RXRA: variants seen among roughly 807,000 people sequenced by gnomAD.
RXRA encodes retinoid X receptor alpha, also known as retinoic acid receptor RXR-alpha.
A neutral mutation model predicts 44.5 loss-of-function variants in RXRA; 5 were observed. The ratio of observed to expected loss-of-function variants is 0.11; its 90% CI spans 0.06 to 0.24. The LOEUF is 0.24. Among genes scored for constraint, RXRA ranks in the 10% least tolerant of loss-of-function variants. RXRA has a pLI of 1.00. For missense variants in RXRA, 412 were observed against 646.5 expected, an observed-to-expected ratio of 0.64 and a Z score of 3.93; for synonymous variants, 291 against 271.4, an observed-to-expected ratio of 1.07 and a Z score of -0.71.
intron 1 of RXRA, among the ~76,000 whole-genome samples, chr9:134,377,779 C>A (rs1564276499): frequency 6.6e-6 from 1 of 152,204 alleles, no homozygotes; most frequent in Non-Finnish European, 1.5e-5. Flanking sequence ...TCTGTCATAC[C>A]CTCGTGCTCT....
chr9:134,337,693 G>A (rs1830027287), intron 1 of RXRA, among the ~76,000 whole-genome samples: 1 of 152,124 alleles, frequency 6.6e-6, no homozygotes, highest in African/African-American at 2.4e-5. Context: ...CCTGGGAAAA[G>A]CCAATGTCTC....
Position 134,417,127 on chromosome 9 carries a change from G to T in RXRA, c.611-31G>T, listed in dbSNP as rs552023526. 1.3e-6 allele frequency: 2 copies of T among 1,595,794 alleles called. No individual in the cohort carries two copies. The highest frequency in any genetic ancestry group is 1.3e-5 in the African/African-American group (1 of 74,910). The stretch of plus-strand genomic sequence containing the variant: ...CTGGGAGCCACTGGCCGGGCTGAGC[G>T]TGGGGCTCACCTGCGCCTCCCGGGT... On this transcript the variant is annotated intron_variant, in intron 4 of 9. Coordinates refer to ENST00000481739, the MANE Select transcript of RXRA (RefSeq NM_002957.6). This position sits in a 1 kb window ranked among gnomAD's most constrained non-coding sequence, Gnocchi z 6.1.
intron 1 of RXRA, among the ~76,000 whole-genome samples, chr9:134,388,286 T>TGTGTGTGTGTGTGTGTGTGAGA (rs71381810): frequency 1.4e-4 from 21 of 150,888 alleles, no homozygotes; most frequent in African/African-American, 5.1e-4. Flanking sequence ...AGAAGCAGTG[T>TGTGTGTGTGTGTGTGTGTGAGA]GTGTGTGAGT....
At position 134,417,992 on chromosome 9, in the gene RXRA, AC is replaced by A. The variant is rs1203346536; in HGVS notation, c.780+670del. Among the ~76,000 whole-genome samples the A allele has an allele frequency of 6.7e-6, 1 of 148,888 alleles. No individual in the cohort carries two copies. Among genetic ancestry groups the A allele is most frequent in the Non-Finnish European group, 1.5e-5 (1 of 67,156 alleles). On this transcript the variant is annotated intron_variant, in intron 5 of 9. Transcript: ENST00000481739. The surrounding 1 kb of genome is among the most constrained non-coding windows in gnomAD (Gnocchi z 6.1). ...TGGTCCTGGAGGTGTTGGATTCAAG[AC>A]CCCCTGGCCTCGCCCTCCTCTCCTT... is the stretch of plus-strand genomic sequence containing the variant.
chr9:134,353,395 CAT>C (rs1354119666), intron 1 of RXRA, among the ~76,000 whole-genome samples: 1 of 152,164 alleles, frequency 6.6e-6, no homozygotes, highest in African/African-American at 2.4e-5. Flanking sequence ...GGTGAGTGCA[CAT>C]GTGTGCATGT....
chr9:134,355,883 A>T (rs1464414511), intron 1 of RXRA, among the ~76,000 whole-genome samples: 1 of 151,386 alleles, frequency 6.6e-6, no homozygotes, highest in African/African-American at 2.4e-5. Flanking sequence ...GTACCCTCTC[A>T]GTGGGTCAGA....
chr9:134,432,966 G>T (rs760645516), intron 8 of RXRA, among the ~76,000 whole-genome samples: 1 of 152,148 alleles, frequency 6.6e-6, no homozygotes, highest in African/African-American at 2.4e-5. Context: ...TCAGCTCATT[G>T]CGTGATAGGG....
At chr9:134,339,289 C>T (rs1554747755) in intron 1 of RXRA, among the ~76,000 whole-genome samples, 1 of 152,264 alleles carries the variant, frequency 6.6e-6, no homozygotes, top group African/African-American at 2.4e-5. Context: ...GCGCGTCGTC[C>T]TCCCCAGACC....
Position 134,349,012 on chromosome 9 carries a change from C to T in RXRA, c.28+22353C>T, listed in dbSNP as rs1254441454. 2.0e-5 allele frequency among the ~76,000 whole-genome samples: 3 copies of T among 152,218 alleles called. No homozygotes were observed. Among genetic ancestry groups the T allele is most frequent in the African/African-American group, 7.2e-5 (3 of 41,456 alleles). ...GGGAGGGGCTGGCATATCCGAGACC[C>T]AGTTCTGTCACTTGCAGTGAAGGGC... On this transcript the variant is annotated intron_variant, in intron 1 of 9. Coordinates refer to ENST00000481739, the MANE Select transcript of RXRA (RefSeq NM_002957.6). The surrounding 1 kb of genome is among the most constrained non-coding windows in gnomAD (Gnocchi z 4.3).
intron 1 of RXRA, among the ~76,000 whole-genome samples, chr9:134,347,978 A>T (rs1017448543): frequency 2.6e-5 from 4 of 151,924 alleles, no homozygotes; most frequent in African/African-American, 7.3e-5. Flanking sequence ...GCCACTTAGG[A>T]GGCAGAAGCA....
rs544033588 is a variant in RXRA at position 134,342,138 on chromosome 9, G to T, written c.28+15479G>T. Among the ~76,000 whole-genome samples, 2 of 152,150 alleles carry T rather than the reference G, an allele frequency of 1.3e-5. No homozygotes were observed. Among genetic ancestry groups the T allele is most frequent in the African/African-American group, 4.8e-5 (2 of 41,422 alleles). ...TGCTGGGCCCGGGGTGGGGGCTCTC[G>T]TGCTGGCATTTGGTGGGTAGTGAGT... is the stretch of plus-strand genomic sequence containing the variant. On this transcript the variant is annotated intron_variant, in intron 1 of 9. Transcript: ENST00000481739. This position sits in a 1 kb window ranked among gnomAD's most constrained non-coding sequence, Gnocchi z 4.4.
chr9:134,399,027 G>C (rs1363769468), intron 1 of RXRA, among the ~76,000 whole-genome samples: 1 of 152,276 alleles, frequency 6.6e-6, no homozygotes, highest in African/African-American at 2.4e-5. Context: ...GGAGGGCCCA[G>C]CCCTGGTCCA....
Position 134,434,953 on chromosome 9 carries a change from C to T in RXRA, c.1241+746C>T, listed in dbSNP as rs140348542. On this transcript the variant is annotated intron_variant, in intron 9 of 9. Transcript: ENST00000481739. ...GCACATACACAGTTAACCGTGTCCCCGCTGCCTGCCCAGCCCTCATCTGGC... is the reference window on the plus strand; with the variant it reads ...GCACATACACAGTTAACCGTGTCCCTGCTGCCTGCCCAGCCCTCATCTGGC... Among the ~76,000 whole-genome samples, 439 of 152,284 alleles carry T rather than the reference C, an allele frequency of 2.9e-3. 6 individuals carry two copies. The highest frequency in any genetic ancestry group is 9.2e-3 in the African/African-American group (382 of 41,548).
At chr9:134,424,146 G>A (rs1390311309) in intron 6 of RXRA, 12 of 985,384 alleles carry the variant, frequency 1.2e-5, no homozygotes, top group Non-Finnish European at 1.4e-5. Context: ...GCAGTGCTGA[G>A]GTTAGAGGGT....
chr9:134,387,329 G>A (rs1830734608), intron 1 of RXRA, among the ~76,000 whole-genome samples: 1 of 152,256 alleles, frequency 6.6e-6, no homozygotes, highest in South Asian at 2.1e-4. Context: ...GTCCCTAGAA[G>A]GATGCGCTCT....
At chr9:134,385,961 A>G (rs1830713854) in intron 1 of RXRA, among the ~76,000 whole-genome samples, 1 of 152,184 alleles carries the variant, frequency 6.6e-6, no homozygotes, top group East Asian at 1.9e-4. Flanking sequence ...TGCGGGTGTG[A>G]CGGTCGTGTC....
chr9:134,348,899 C>G (rs1160016326), intron 1 of RXRA, among the ~76,000 whole-genome samples: 1 of 152,232 alleles, frequency 6.6e-6, no homozygotes, highest in Non-Finnish European at 1.5e-5. Flanking sequence ...CCACGACCCC[C>G]AGACCTTGGC....
intron 1 of RXRA, among the ~76,000 whole-genome samples, chr9:134,363,827 G>A (rs1054966092): frequency 1.3e-5 from 2 of 152,208 alleles, no homozygotes; most frequent in African/African-American, 4.8e-5. Context: ...GGCCGGAGGC[G>A]TGACGTGGGT....
chr9:134,377,240 C>T (rs142160765), intron 1 of RXRA, among the ~76,000 whole-genome samples: 9 of 152,326 alleles, frequency 5.9e-5, no homozygotes, highest in Admixed American at 2.6e-4. Context: ...TACTGATCTC[C>T]GCCAGCCCCA....
Sources: allele counts gnomAD v4.1 joint callset (sites outside exome capture counted in the v4.1 genomes callset), GRCh38; gene constraint gnomAD v4.1.1; non-coding constraint Gnocchi (gnomAD v3.1); transcripts MANE v1.5; gene names NCBI Gene and HGNC (gene_info 2026-07-23, HGNC 2026-07-21).